Variants in FHOD3 observed in about 807,000 individuals in gnomAD.
FHOD3 encodes the protein FH1/FH2 domain-containing protein 3.
FHOD3 carries 90 observed loss-of-function variants against 173.0 expected under a neutral mutation model. The ratio of observed to expected loss-of-function variants is 0.52; its 90% CI spans 0.44 to 0.62. FHOD3 has a LOEUF of 0.62. FHOD3 is among the 20% of genes least tolerant of loss of function. The pLI is 0.00. For synonymous variants in FHOD3, 828 were observed against 823.0 expected (o/e 1.01, Z -0.10); for missense variants, 1,945 against 2,034.7 (o/e 0.96, Z 0.85).
Position 36,297,805 on chromosome 18 carries a change from G to A in FHOD3, c.-31G>A, listed in dbSNP as rs1430407213. 1.6e-5 allele frequency: 24 copies of A among 1,484,886 alleles called. No homozygotes were observed. Among genetic ancestry groups the A allele is most frequent in the African/African-American group, 8.9e-5 (6 of 67,788 alleles). The allele number at this position is 1,484,886 out of a possible 1,614,324, so 92.0% of individuals were successfully genotyped here. A position where few individuals can be genotyped will look rare whatever the true frequency, so the allele number is the denominator to read the frequency against. On this transcript the variant is annotated 5_prime_UTR_variant, in exon 1 of 29. Coordinates refer to ENST00000590592, the MANE Select transcript of FHOD3 (RefSeq NM_001281740.3). ...CCCGGCCCGCGGCCCCGCTAACCCC[G>A]GGGCCCGCGCCCCCGCGGCAGGGAT... is the stretch of plus-strand genomic sequence containing the variant.
chr18:36,463,877 A>C (rs2052744103), intron 3 of FHOD3, among the ~76,000 whole-genome samples: 1 of 152,248 alleles, frequency 6.6e-6, no homozygotes, highest in Non-Finnish European at 1.5e-5. Flanking sequence ...TAGAAGTTGG[A>C]GAAATTAAAA....
chr18:36,591,731 A>G (rs2059223137), intron 6 of FHOD3, among the ~76,000 whole-genome samples: 1 of 147,824 alleles, frequency 6.8e-6, no homozygotes, highest in African/African-American at 2.5e-5. Context: ...CAGTCTGGGC[A>G]ACATAGAGAG....
intron 5 of FHOD3, among the ~76,000 whole-genome samples, chr18:36,552,404 T>TA (rs748827474): frequency 6.6e-6 from 1 of 152,194 alleles, no homozygotes; most frequent in Non-Finnish European, 1.5e-5. Flanking sequence ...GGGCTGAGAC[T>TA]ATCGGGTTTT....
intron 6 of FHOD3, among the ~76,000 whole-genome samples, chr18:36,594,549 C>T (rs1302441617): frequency 1.3e-5 from 2 of 152,042 alleles, no homozygotes; most frequent in African/African-American, 2.4e-5. Context: ...TTTTTTACTG[C>T]GTGACTGCAG....
At chr18:36,557,954 C>T (rs761802766) in intron 5 of FHOD3, among the ~76,000 whole-genome samples, 2 of 152,324 alleles carry the variant, frequency 1.3e-5, no homozygotes, top group Non-Finnish European at 2.9e-5. Flanking sequence ...ATGACTAAAA[C>T]AAGATCCTTC....
chr18:36,420,404 C>T (rs1342946690), intron 3 of FHOD3, among the ~76,000 whole-genome samples: 1 of 152,236 alleles, frequency 6.6e-6, no homozygotes, highest in Non-Finnish European at 1.5e-5. Flanking sequence ...TCACTTGCCA[C>T]CTGACACTGT....
At chr18:36,645,099 G>A (rs1320534708) in intron 10 of FHOD3, among the ~76,000 whole-genome samples, 1 of 152,158 alleles carries the variant, frequency 6.6e-6, no homozygotes, top group Non-Finnish European at 1.5e-5. Context: ...AAAGAAGACT[G>A]AGGCTGGTAG....
intron 1 of FHOD3, among the ~76,000 whole-genome samples, chr18:36,318,635 A>G (rs1391089468): frequency 1.3e-5 from 2 of 152,284 alleles, no homozygotes; most frequent in Middle Eastern, 3.4e-3. Context: ...GGCTGAGATG[A>G]TGGGATTTTC....
chr18:36,554,690 C>T (rs2057801435), intron 5 of FHOD3, among the ~76,000 whole-genome samples: 1 of 152,088 alleles, frequency 6.6e-6, no homozygotes, highest in East Asian at 1.9e-4. Flanking sequence ...TATAATTCAC[C>T]AATGCAGCCA....
intron 5 of FHOD3, among the ~76,000 whole-genome samples, chr18:36,537,848 T>C (rs977887543): frequency 1.3e-5 from 2 of 152,156 alleles, no homozygotes; most frequent in African/African-American, 4.8e-5. Context: ...CAGGATCTAA[T>C]CACCATCTAC....
intron 6 of FHOD3, among the ~76,000 whole-genome samples, chr18:36,590,059 C>T (rs558768516): frequency 8.5e-5 from 13 of 152,240 alleles, no homozygotes; most frequent in African/African-American, 2.6e-4. Flanking sequence ...TTGTTCCACT[C>T]GCCTCGTTTG....
rs750143328 is a variant in FHOD3 at position 36,730,640 on chromosome 18, A to G, written c.3418-6A>G. 1.2e-6 allele frequency: 2 copies of G among 1,607,610 alleles called. No homozygotes were observed. The highest frequency in any genetic ancestry group is 2.2e-5 in the East Asian group (1 of 44,864). ...TAATCTTGGATTCTCCTTTTTTATCACTAAGAAAACTGCTGCAGATGGAAA... is the reference window on the plus strand; with the variant it reads ...TAATCTTGGATTCTCCTTTTTTATCGCTAAGAAAACTGCTGCAGATGGAAA... On this transcript the variant is annotated splice_region_variant and splice_polypyrimidine_tract_variant and intron_variant, in intron 19 of 28. Coordinates refer to ENST00000590592, the MANE Select transcript of FHOD3 (RefSeq NM_001281740.3).
Position 36,652,833 on chromosome 18 carries a change from AC to A in FHOD3, c.1551del (p.Tyr517Ter). On this transcript the variant is annotated frameshift_variant, in exon 12 of 29. Transcript: ENST00000590592. LOFTEE classifies it high-confidence loss of function. ...KVSPTIDKLP[Y>X]VPHSPFHLFS... The stretch of plus-strand genomic sequence containing the variant: ...TCACCGACCATAGACAAGCTGCCCT[AC>A]GTGCCCCACAGCCCCTTCCACCTCT... 6.5e-7 allele frequency: 1 copy of A among 1,535,872 alleles called. No homozygotes were observed. Among genetic ancestry groups the A allele is most frequent in the South Asian group, 1.2e-5 (1 of 84,040 alleles).
chr18:36,679,762 C>T (rs551852873), intron 14 of FHOD3, among the ~76,000 whole-genome samples: 16 of 152,102 alleles, frequency 1.1e-4, no homozygotes, highest in Non-Finnish European at 2.1e-4. Flanking sequence ...CGTGTGAAAC[C>T]AGTTTGTGGC....
At chr18:36,772,752 CAG>C (rs370428587) in intron 28 of FHOD3, among the ~76,000 whole-genome samples, 2 of 152,362 alleles carry the variant, frequency 1.3e-5, no homozygotes, top group East Asian at 3.9e-4. Flanking sequence ...TGGTGCCAAT[CAG>C]GGGCACATTG....
At chr18:36,419,711 A>T (rs2049885712) in intron 3 of FHOD3, among the ~76,000 whole-genome samples, 1 of 152,170 alleles carries the variant, frequency 6.6e-6, no homozygotes, top group Non-Finnish European at 1.5e-5. Flanking sequence ...ATAGTGAGTT[A>T]GTGTGTCTGA....
intron 3 of FHOD3, among the ~76,000 whole-genome samples, chr18:36,450,457 T>A (rs2051772237): frequency 7.2e-6 from 1 of 139,374 alleles, no homozygotes; most frequent in Non-Finnish European, 1.5e-5. Flanking sequence ...ATTTATTTAT[T>A]TATTTATTTA....
chr18:36,757,682 G>C (rs1441814474), intron 25 of FHOD3, among the ~76,000 whole-genome samples: 2 of 152,122 alleles, frequency 1.3e-5, no homozygotes, highest in Non-Finnish European at 2.9e-5. Flanking sequence ...CAGCCCCCAC[G>C]CACCAGCTCC....
At chr18:36,659,285 C>T (rs992896478) in intron 14 of FHOD3, among the ~76,000 whole-genome samples, 5 of 152,116 alleles carry the variant, frequency 3.3e-5, no homozygotes, top group Admixed American at 2.0e-4. Context: ...GTCAAGCTCT[C>T]AGATTCCACA....
Sources: gnomAD v4.1 joint callset for allele counts (sites outside exome capture counted in the v4.1 genomes callset) on GRCh38, gnomAD v4.1.1 for gene constraint, MANE v1.5 for transcripts, NCBI Gene and HGNC (gene_info 2026-07-23, HGNC 2026-07-21) for gene names.